The following FNDC3B variants were observed in gnomAD, a reference collection of about 807,000 sequenced individuals.
FNDC3B encodes the protein fibronectin type III domain-containing protein 3B.
A neutral mutation model predicts 151.5 loss-of-function variants in FNDC3B; 12 were observed. That is an observed-to-expected ratio of 0.08 (90% CI 0.05 to 0.13). The LOEUF (loss-of-function observed/expected upper bound fraction) is 0.13. Ranked by LOEUF, FNDC3B falls within the 10% of genes least tolerant of loss-of-function variation. The pLI is 1.00. For synonymous variants in FNDC3B, 528 were observed against 549.0 expected (o/e 0.96, Z 0.54); for missense variants, 1,214 against 1,505.3 (o/e 0.81, Z 3.20).
chr3:172,229,779 AT>A (rs1447605665), intron 4 of FNDC3B, among the ~76,000 whole-genome samples: 4 of 152,230 alleles, frequency 2.6e-5, no homozygotes, highest in African/African-American at 9.6e-5. Context: ...AATGATTTGC[AT>A]GTTTAAAGAG....
chr3:172,310,389 T>A (rs1409419860), intron 10 of FNDC3B, among the ~76,000 whole-genome samples: 2 of 152,192 alleles, frequency 1.3e-5, no homozygotes, highest in Non-Finnish European at 2.9e-5. Flanking sequence ...TAAGTACTTT[T>A]AAAAAATTAA....
intron 11 of FNDC3B, among the ~76,000 whole-genome samples, chr3:172,325,063 G>A (rs889429289): frequency 2.0e-5 from 3 of 152,206 alleles, no homozygotes; most frequent in South Asian, 2.1e-4. Flanking sequence ...CCTAGCAGCC[G>A]TAGCTGGCCA....
At chr3:172,393,168 C>G (rs1309552107) in intron 25 of FNDC3B, among the ~76,000 whole-genome samples, 1 of 151,978 alleles carries the variant, frequency 6.6e-6, no homozygotes, top group Non-Finnish European at 1.5e-5. Flanking sequence ...TAAGGACACC[C>G]ATAGACTGAA....
chr3:172,331,833 G>A (rs1362601647), intron 13 of FNDC3B, among the ~76,000 whole-genome samples: 1 of 152,128 alleles, frequency 6.6e-6, no homozygotes, highest in Admixed American at 6.5e-5. Flanking sequence ...TCACACTGTA[G>A]AACAGCACCA....
intron 3 of FNDC3B, among the ~76,000 whole-genome samples, chr3:172,196,742 T>G (rs1198821524): frequency 6.6e-6 from 1 of 152,180 alleles, no homozygotes; most frequent in Non-Finnish European, 1.5e-5. Context: ...AATGTTAGGA[T>G]GAGCCACACA....
chr3:172,218,135 A>G (rs80291382), intron 3 of FNDC3B, among the ~76,000 whole-genome samples: 4 of 10,898 alleles, frequency 3.7e-4, no homozygotes, highest in East Asian at 1.4e-3. Flanking sequence ...GACTTTCAGG[A>G]AAAAAAAAAA....
chr3:172,325,678 C>T lies in FNDC3B; in HGVS notation c.1255-3274C>T, dbSNP rs56708841. Reference sequence around the variant, plus strand: ...GCTCCAGAGCCGTCGGAGAGCCTGGCGCAGTAGACAGACCAGCACGCTGGC... The same window carrying T: ...GCTCCAGAGCCGTCGGAGAGCCTGGTGCAGTAGACAGACCAGCACGCTGGC... On this transcript the variant is annotated intron_variant, in intron 11 of 25. Transcript: ENST00000415807. Among the ~76,000 whole-genome samples, 1,499 of 152,282 alleles carry T rather than the reference C, an allele frequency of 9.8e-3. 34 individuals are homozygous for T. The highest frequency in any genetic ancestry group is 0.034 in the African/African-American group (1,426 of 41,536).
At chr3:172,067,841 TA>T (rs1717577259) in intron 1 of FNDC3B, among the ~76,000 whole-genome samples, 1 of 152,170 alleles carries the variant, frequency 6.6e-6, no homozygotes, top group Admixed American at 6.5e-5. Context: ...CTGCAAGACT[TA>T]TTATAGGTGT....
At chr3:172,135,982 A>AAC (rs1721339682) in intron 3 of FNDC3B, among the ~76,000 whole-genome samples, 1 of 152,218 alleles carries the variant, frequency 6.6e-6, no homozygotes, top group Admixed American at 6.5e-5. Context: ...GCTAACATTT[A>AAC]TTCATCTCAG....
chr3:172,176,789 A>T (rs752428794), intron 3 of FNDC3B, among the ~76,000 whole-genome samples: 1 of 152,228 alleles, frequency 6.6e-6, no homozygotes, highest in Non-Finnish European at 1.5e-5. Flanking sequence ...AATGAAGCAC[A>T]GTGAGGAAGA....
At chr3:172,062,705 T>G (rs886925124) in intron 1 of FNDC3B, among the ~76,000 whole-genome samples, 4 of 143,864 alleles carry the variant, frequency 2.8e-5, no homozygotes, top group Admixed American at 2.7e-4. Flanking sequence ...TTCTAAGTAC[T>G]TTTTTTTTTG....
intron 1 of FNDC3B, among the ~76,000 whole-genome samples, chr3:172,107,664 C>A (rs1237953669): frequency 6.6e-6 from 1 of 152,094 alleles, no homozygotes; most frequent in Non-Finnish European, 1.5e-5. Flanking sequence ...ATCCAGAGAT[C>A]ACACATCTGG....
At chr3:172,053,268 C>T (rs77067986) in intron 1 of FNDC3B, among the ~76,000 whole-genome samples, 383 of 152,296 alleles carry the variant, frequency 2.5e-3, no homozygotes, top group Non-Finnish European at 3.7e-3. Flanking sequence ...AGAAGGCATA[C>T]TCAAAAACAT....
rs748822053 is a variant in FNDC3B at position 172,295,346 on chromosome 3, A to G, written c.850-17A>G. On this transcript the variant is annotated splice_polypyrimidine_tract_variant and intron_variant, in intron 7 of 25. Coordinates refer to ENST00000415807, the MANE Select transcript of FNDC3B (RefSeq NM_022763.4). ...AAATGGATTTGAATACTTTTGTCCC[A>G]TGTTTTTCTTCCTCAGGTTTCTAAT... 4 of 1,598,412 alleles carry G rather than the reference A, an allele frequency of 2.5e-6. No homozygotes were observed. Among genetic ancestry groups the G allele is most frequent in the African/African-American group, 2.7e-5 (2 of 73,988 alleles).
chr3:172,190,117 C>T (rs1375987402), intron 3 of FNDC3B, among the ~76,000 whole-genome samples: 1 of 152,150 alleles, frequency 6.6e-6, no homozygotes, highest in East Asian at 1.9e-4. Context: ...CTTGCTGGAG[C>T]CTTGCTAGAA....
intron 2 of FNDC3B, among the ~76,000 whole-genome samples, chr3:172,116,709 G>A (rs1459899006): frequency 6.6e-6 from 1 of 152,098 alleles, no homozygotes; most frequent in Non-Finnish European, 1.5e-5. Flanking sequence ...GGGATTACAG[G>A]CATATGCCAC....
chr3:172,203,001 A>T (rs1268767963), intron 3 of FNDC3B, among the ~76,000 whole-genome samples: 1 of 152,158 alleles, frequency 6.6e-6, no homozygotes, highest in East Asian at 1.9e-4. Context: ...TGTGAGCTGT[A>T]CCAAAGCCGG....
intron 2 of FNDC3B, among the ~76,000 whole-genome samples, chr3:172,125,737 G>T (rs1402745071): frequency 1.3e-5 from 2 of 152,132 alleles, no homozygotes. Context: ...AAAGAAAATG[G>T]CCACTTCGCG....
chr3:172,144,098 G>A (rs1024958850), intron 3 of FNDC3B, among the ~76,000 whole-genome samples: 4 of 152,204 alleles, frequency 2.6e-5, no homozygotes, highest in East Asian at 3.9e-4. Flanking sequence ...TCTGCTTCTC[G>A]TGAGGGCCTC....
Sources: gnomAD v4.1 joint callset for allele counts (sites outside exome capture counted in the v4.1 genomes callset) on GRCh38, gnomAD v4.1.1 for gene constraint, MANE v1.5 for transcripts, NCBI Gene and HGNC (gene_info 2026-07-23, HGNC 2026-07-21) for gene names.